The following TSHZ2 variants were observed in gnomAD, a reference collection of about 807,000 sequenced individuals.
The protein encoded by TSHZ2 is teashirt zinc finger homeobox 2.
In TSHZ2, 21 loss-of-function variants were observed where a neutral mutation model predicts 74.4. The ratio of observed to expected loss-of-function variants is 0.28; its 90% CI spans 0.20 to 0.41. TSHZ2 has a LOEUF of 0.41. TSHZ2 is among the 10% of genes least tolerant of loss of function. The probability of loss-of-function intolerance (pLI) is 1.00; values close to 1 mark genes in which losing one functional copy is unlikely to be tolerated. For synonymous variants in TSHZ2, 540 were observed against 515.3 expected (o/e 1.05, Z -0.65); for missense variants, 1,244 against 1,293.5 (o/e 0.96, Z 0.59).
intron 1 of TSHZ2, among the ~76,000 whole-genome samples, chr20:53,008,399 TC>T (rs1338497059): frequency 6.6e-6 from 1 of 152,112 alleles, no homozygotes; most frequent in African/African-American, 2.4e-5. Context: ...AATAGAAAAT[TC>T]CCCTGGTTGA....
At chr20:53,332,435 T>C (rs1432642520) in intron 2 of TSHZ2, among the ~76,000 whole-genome samples, 2 of 152,132 alleles carry the variant, frequency 1.3e-5, no homozygotes, top group Non-Finnish European at 2.9e-5. Flanking sequence ...AAAAAGACGA[T>C]GGCAGAACAC....
Position 53,015,227 on chromosome 20 carries a change from C to T in TSHZ2, c.40+41894C>T, listed in dbSNP as rs566012739. On this transcript the variant is annotated intron_variant, in intron 1 of 2. Transcript: ENST00000371497. ...CTGATCTCTTCTTTTCCTAGACATC[C>T]TCTTTCAACCTTTTCAAATCTCATT... Among the ~76,000 whole-genome samples the T allele has an allele frequency of 2.6e-5, 4 of 152,338 alleles. 1 individual carries two copies. The South Asian group carries it at 8.3e-4, about 32-fold the overall frequency.
intron 2 of TSHZ2, among the ~76,000 whole-genome samples, chr20:53,482,178 T>C (rs1409631839): frequency 1.4e-5 from 2 of 144,286 alleles, no homozygotes; most frequent in Non-Finnish European, 3.0e-5. Flanking sequence ...TCTAAATCAC[T>C]AATAATGTCA....
chr20:53,171,626 G>A (rs566564058), intron 1 of TSHZ2, among the ~76,000 whole-genome samples: 31 of 151,704 alleles, frequency 2.0e-4, no homozygotes, highest in African/African-American at 7.0e-4. Context: ...GAGGGTGTTT[G>A]TACAAATTAT....
At chr20:53,002,009 G>T (rs1982459891) in intron 1 of TSHZ2, among the ~76,000 whole-genome samples, 1 of 152,300 alleles carries the variant, frequency 6.6e-6, no homozygotes, top group East Asian at 1.9e-4. Flanking sequence ...GCTCTATTGT[G>T]AGGCACACAA....
intron 2 of TSHZ2, among the ~76,000 whole-genome samples, chr20:53,469,045 TTATATATATATATATATATATATATATA>T (rs143724013): frequency 0.033 from 1,645 of 49,148 alleles, 96 homozygotes; most frequent in African/African-American, 0.091. Context: ...AATCGATATT[TTATATATATATATATATATATATATATA>T]TATATATATA....
At chr20:53,240,441 G>C (rs1397794485) in intron 1 of TSHZ2, among the ~76,000 whole-genome samples, 3 of 152,070 alleles carry the variant, frequency 2.0e-5, no homozygotes, top group Non-Finnish European at 4.4e-5. Flanking sequence ...ATTTTTAAAT[G>C]CTTATAAGTA....
intron 2 of TSHZ2, among the ~76,000 whole-genome samples, chr20:53,257,897 C>T (rs1184759889): frequency 1.3e-5 from 2 of 152,206 alleles, no homozygotes; most frequent in African/African-American, 4.8e-5. Context: ...AGAAGACTTT[C>T]AGAACAAGCT....
chr20:53,338,122 G>C (rs569554733), intron 2 of TSHZ2, among the ~76,000 whole-genome samples: 1 of 152,324 alleles, frequency 6.6e-6, no homozygotes, highest in Non-Finnish European at 1.5e-5. Flanking sequence ...TCTTTGCAAG[G>C]TGCTGGCCTG....
intron 1 of TSHZ2, among the ~76,000 whole-genome samples, chr20:52,994,116 T>C (rs1011350184): frequency 6.6e-6 from 1 of 152,236 alleles, no homozygotes; most frequent in Non-Finnish European, 1.5e-5. Context: ...TGCCTTTTAT[T>C]CATTTAACAG....
chr20:53,020,232 G>A (rs183408590), intron 1 of TSHZ2, among the ~76,000 whole-genome samples: 93 of 152,272 alleles, frequency 6.1e-4, no homozygotes, highest in Non-Finnish European at 8.7e-4. Context: ...ATGTCACTTC[G>A]TCACCATCGG....
chr20:53,368,712 A>G (rs1201507711), intron 2 of TSHZ2, among the ~76,000 whole-genome samples: 2 of 152,240 alleles, frequency 1.3e-5, no homozygotes, highest in Non-Finnish European at 2.9e-5. Context: ...AATGAGGGGA[A>G]ATAAAGATGC....
intron 2 of TSHZ2, among the ~76,000 whole-genome samples, chr20:53,319,542 C>T (rs1979164017): frequency 6.6e-6 from 1 of 152,194 alleles, no homozygotes; most frequent in South Asian, 2.1e-4. Context: ...ACAGAATGAC[C>T]CAGGAAGCCC....
chr20:53,104,808 G>A (rs1186350639), intron 1 of TSHZ2, among the ~76,000 whole-genome samples: 4 of 152,152 alleles, frequency 2.6e-5, no homozygotes, highest in Non-Finnish European at 5.9e-5. Context: ...CAGTTCTTAC[G>A]AAGGTCTCAA....
At chr20:53,332,484 A>G (rs957784173) in intron 2 of TSHZ2, among the ~76,000 whole-genome samples, 3 of 152,146 alleles carry the variant, frequency 2.0e-5, no homozygotes, top group Non-Finnish European at 4.4e-5. Flanking sequence ...TTTTTAAGGA[A>G]TTCACACATG....
intron 2 of TSHZ2, among the ~76,000 whole-genome samples, chr20:53,286,926 C>CACACACACACGT: frequency 6.8e-6 from 1 of 147,408 alleles, no homozygotes; most frequent in African/African-American, 2.5e-5. Flanking sequence ...CACACACACA[C>CACACACACACGT]GTAACACTTC....
Position 53,190,139 on chromosome 20 carries a change from T to TATATA in TSHZ2, c.41-63360_41-63359insATATA, listed in dbSNP as rs1568803578. Among the ~76,000 whole-genome samples, 7 of 49,384 alleles carry TATATA rather than the reference T, an allele frequency of 1.4e-4. No homozygotes were observed. In the East Asian group the frequency reaches 2.4e-3, roughly 17 times the overall value. 32.4% of individuals were successfully genotyped at this position (49,384 alleles called of 152,430 possible). ...TATATATATATATATATATATATAT[T>TATATA]TTCTTAAATGCCTCTGTTTCTTTTT... On this transcript the variant is annotated intron_variant, in intron 1 of 2. Coordinates refer to ENST00000371497, the MANE Select transcript of TSHZ2 (RefSeq NM_173485.6).
chr20:53,298,527 A>G (rs1359923728), intron 2 of TSHZ2, among the ~76,000 whole-genome samples: 1 of 152,190 alleles, frequency 6.6e-6, no homozygotes, highest in Non-Finnish European at 1.5e-5. Context: ...AGGCAAAAGG[A>G]TGTTTCACAT....
intron 1 of TSHZ2, among the ~76,000 whole-genome samples, chr20:53,198,565 T>G (rs1055074806): frequency 6.6e-6 from 1 of 152,240 alleles, no homozygotes; most frequent in African/African-American, 2.4e-5. Context: ...ATGGGAAATT[T>G]TGCTTAAAAT....
Sources: allele counts gnomAD v4.1 joint callset (sites outside exome capture counted in the v4.1 genomes callset), GRCh38; gene constraint gnomAD v4.1.1; transcripts MANE v1.5; gene names NCBI Gene and HGNC (gene_info 2026-07-23, HGNC 2026-07-21).